The following GLIS3 variants were observed in gnomAD, a reference collection of about 807,000 sequenced individuals.
GLIS3 encodes GLIS family zinc finger 3, also known as zinc finger protein GLIS3.
In GLIS3, 53 loss-of-function variants were observed where a neutral mutation model predicts 78.6. The observed-to-expected ratio is 0.67, with a 90% CI of 0.54 to 0.85. The LOEUF (loss-of-function observed/expected upper bound fraction) is 0.85. Among genes scored for constraint, GLIS3 ranks in the 40% least tolerant of loss-of-function variants. The probability of loss-of-function intolerance (pLI) is 0.00; values close to 1 mark genes in which losing one functional copy is unlikely to be tolerated. For synonymous variants in GLIS3, 684 were observed against 509.9 expected (o/e 1.34, Z -4.60); for missense variants, 1,703 against 1,231.1 (o/e 1.38, Z -5.74).
the GLIS3 span, among the ~76,000 whole-genome samples, chr9:4,415,492 T>C: frequency 1.3e-5 from 2 of 152,238 alleles, no homozygotes; most frequent in Non-Finnish European, 2.9e-5. Flanking sequence ...CAGAGGCATT[T>C]TGTTTAGGGC....
chr9:3,983,114 T>C lies in GLIS3; in HGVS notation c.1711-45925A>G, dbSNP rs12335488. Among the ~76,000 whole-genome samples the C allele has an allele frequency of 7.5e-3, 1,148 of 152,282 alleles. 15 individuals are homozygous for C. Among genetic ancestry groups the C allele is most frequent in the African/African-American group, 0.027 (1,118 of 41,568 alleles). ...CCAATGTGTCAGGAGAGGAACATGG[T>C]GAGAGGTGACTGAATTATGGGGTGG... is the stretch of plus-strand genomic sequence containing the variant. On this transcript the variant is annotated intron_variant, in intron 4 of 10. Coordinates refer to ENST00000381971, the MANE Select transcript of GLIS3 (RefSeq NM_001042413.2).
intron 6 of GLIS3, among the ~76,000 whole-genome samples, chr9:3,929,977 C>T (rs1047358348): frequency 1.3e-5 from 2 of 151,926 alleles, no homozygotes; most frequent in African/African-American, 4.8e-5. Flanking sequence ...AACATTGTAC[C>T]ATGTAAATAT....
intron 2 of GLIS3, among the ~76,000 whole-genome samples, chr9:4,320,024 T>TGCGC (rs1415418295): frequency 1.8e-4 from 10 of 55,376 alleles, no homozygotes; most frequent in African/African-American, 3.5e-4. Flanking sequence ...TGTGTGTGTG[T>TGCGC]GCGCGCGCAC....
chr9:4,449,496 G>A, the GLIS3 span, among the ~76,000 whole-genome samples: 1 of 152,222 alleles, frequency 6.6e-6, no homozygotes, highest in Non-Finnish European at 1.5e-5. Context: ...TTCAAGCTCT[G>A]AGAATGGACA....
chr9:4,135,918 C>G (rs951481148), intron 2 of GLIS3, among the ~76,000 whole-genome samples: 1 of 152,142 alleles, frequency 6.6e-6, no homozygotes, highest in African/African-American at 2.4e-5. Flanking sequence ...AGTGTTTTGT[C>G]AAATTCATAA....
intron 4 of GLIS3, among the ~76,000 whole-genome samples, chr9:4,087,636 GA>G (rs1319531945): frequency 6.6e-6 from 1 of 152,116 alleles, no homozygotes; most frequent in East Asian, 1.9e-4. Context: ...ACACCCACAT[GA>G]AAAGTTAAAA....
In GLIS3 at chr9:3,829,329, C is replaced by A. The variant is rs769104983; in HGVS notation, c.2637G>T (p.Ser879=). 1 of 1,613,782 alleles carries A rather than the reference C, an allele frequency of 6.2e-7. No individual in the cohort carries two copies. The highest frequency in any genetic ancestry group is 8.5e-7 in the Non-Finnish European group (1 of 1,179,930). ...ACACACCTGTAATGCCCGAGTGAGT[C>A]GAGAAGGCTCTGTGGAAAACATCAA... ...ASFDVFHRAF[S]THSGITVYDL... is the part of the protein sequence containing the mutation. The change falls in exon 10 of 11, where the codon TCG becomes TCT. Residue 879 remains serine (S), a synonymous_variant. Coordinates refer to ENST00000381971, the MANE Select transcript of GLIS3 (RefSeq NM_001042413.2).
chr9:3,945,765 C>G (rs191515383), intron 4 of GLIS3, among the ~76,000 whole-genome samples: 2 of 151,892 alleles, frequency 1.3e-5, no homozygotes, highest in East Asian at 3.9e-4. Flanking sequence ...TTTCAGAAGT[C>G]AGATAGGGAA....
At chr9:4,201,993 G>C (rs573784277) in intron 2 of GLIS3, among the ~76,000 whole-genome samples, 1 of 152,058 alleles carries the variant, frequency 6.6e-6, no homozygotes, top group East Asian at 1.9e-4. Flanking sequence ...CAAAAAATTA[G>C]CCAGGTGTGG....
the GLIS3 span, among the ~76,000 whole-genome samples, chr9:4,354,833 G>A: frequency 6.6e-6 from 1 of 152,114 alleles, no homozygotes; most frequent in African/African-American, 2.4e-5. Context: ...AGTTCCCTGA[G>A]TAGCCGGACA....
chr9:3,915,156 C>T (rs1277089334), intron 6 of GLIS3, among the ~76,000 whole-genome samples: 1 of 152,122 alleles, frequency 6.6e-6, no homozygotes, highest in African/African-American at 2.4e-5. Context: ...TAGAGCCTTC[C>T]TATAGCCTGT....
chr9:4,255,234 G>C (rs1824810444), intron 2 of GLIS3, among the ~76,000 whole-genome samples: 1 of 152,214 alleles, frequency 6.6e-6, no homozygotes, highest in Non-Finnish European at 1.5e-5. Flanking sequence ...AGAATGTGGA[G>C]CAACAGGAAC....
At chr9:4,153,779 A>C (rs1834855874) in intron 2 of GLIS3, among the ~76,000 whole-genome samples, 1 of 152,232 alleles carries the variant, frequency 6.6e-6, no homozygotes, top group African/African-American at 2.4e-5. Flanking sequence ...TATTCACATG[A>C]CTTGTATACA....
At chr9:4,447,825 C>T in the GLIS3 span, among the ~76,000 whole-genome samples, 1 of 152,232 alleles carries the variant, frequency 6.6e-6, no homozygotes, top group African/African-American at 2.4e-5. Context: ...CTGTTCAAAA[C>T]CTAAGACTGG....
the GLIS3 span, among the ~76,000 whole-genome samples, chr9:4,431,618 G>A: frequency 6.6e-6 from 1 of 152,170 alleles, no homozygotes; most frequent in Non-Finnish European, 1.5e-5. Context: ...ACCAAGGCAG[G>A]TGGATCACTT....
At chr9:3,961,329 G>C (rs1817535711) in intron 4 of GLIS3, among the ~76,000 whole-genome samples, 1 of 152,164 alleles carries the variant, frequency 6.6e-6, no homozygotes, top group Non-Finnish European at 1.5e-5. Context: ...AAACAAACAA[G>C]TAGAATGAAT....
intron 4 of GLIS3, among the ~76,000 whole-genome samples, chr9:3,997,016 G>A (rs754400183): frequency 4.6e-5 from 7 of 152,230 alleles, no homozygotes; most frequent in Admixed American, 6.5e-5. Flanking sequence ...TATTGAATCC[G>A]AAATTTAAAA....
intron 4 of GLIS3, among the ~76,000 whole-genome samples, chr9:4,059,818 G>A (rs886076704): frequency 7.8e-6 from 1 of 128,024 alleles, no homozygotes; most frequent in African/African-American, 3.0e-5. Context: ...GTGTGTGTGT[G>A]TGTGTGTGTG....
intron 2 of GLIS3, among the ~76,000 whole-genome samples, chr9:4,172,961 T>C (rs1208821752): frequency 6.6e-6 from 1 of 152,188 alleles, no homozygotes; most frequent in African/African-American, 2.4e-5. Context: ...AAAAGCCAAA[T>C]TCTGAATTTT....
Sources: allele counts gnomAD v4.1 joint callset (sites outside exome capture counted in the v4.1 genomes callset), GRCh38; gene constraint gnomAD v4.1.1; transcripts MANE v1.5; gene names NCBI Gene and HGNC (gene_info 2026-07-23, HGNC 2026-07-21).